The following PTPRD variants were observed in gnomAD, a reference collection of about 807,000 sequenced individuals.
PTPRD encodes the protein receptor-type tyrosine-protein phosphatase delta.
PTPRD carries 34 observed loss-of-function variants against 214.5 expected under a neutral mutation model. The observed-to-expected ratio is 0.16, with a 90% CI of 0.12 to 0.21. PTPRD has a LOEUF of 0.21. Ranked by LOEUF, PTPRD falls within the 10% of genes least tolerant of loss-of-function variation. PTPRD has a pLI of 1.00. For synonymous variants in PTPRD, 1,128 were observed against 845.7 expected (o/e 1.33, Z -5.79); for missense variants, 2,545 against 2,398.7 (o/e 1.06, Z -1.27).
intron 9 of PTPRD, among the ~76,000 whole-genome samples, chr9:9,385,779 CT>C (rs1347492646): frequency 6.6e-6 from 1 of 152,076 alleles, no homozygotes; most frequent in Non-Finnish European, 1.5e-5. Flanking sequence ...GTGAATGTCA[CT>C]TTTAAATTCC....
intron 2 of PTPRD, among the ~76,000 whole-genome samples, chr9:10,464,738 T>A (rs2098982298): frequency 6.6e-6 from 1 of 152,030 alleles, no homozygotes. Context: ...AAACTCATCG[T>A]CTCATGTAAC....
At chr9:9,572,128 T>A (rs1033038315) in intron 8 of PTPRD, among the ~76,000 whole-genome samples, 1 of 151,378 alleles carries the variant, frequency 6.6e-6, no homozygotes, top group African/African-American at 2.4e-5. Context: ...CAGAGAGTAA[T>A]GAGAAAATCC....
chr9:9,245,072 C>T (rs1009670155), intron 9 of PTPRD, among the ~76,000 whole-genome samples: 1 of 152,132 alleles, frequency 6.6e-6, no homozygotes, highest in Non-Finnish European at 1.5e-5. Context: ...AAATGCAAAT[C>T]AAAACCACAA....
chr9:9,396,969 C>A (rs942771425), intron 9 of PTPRD, among the ~76,000 whole-genome samples: 1 of 152,012 alleles, frequency 6.6e-6, no homozygotes, highest in Non-Finnish European at 1.5e-5. Context: ...ATCCACTCAT[C>A]TTAGTTTCCA....
At chr9:10,514,643 G>T (rs1016295445) in intron 2 of PTPRD, among the ~76,000 whole-genome samples, 4 of 151,698 alleles carry the variant, frequency 2.6e-5, no homozygotes, top group Non-Finnish European at 5.9e-5. Context: ...AGTTAACCAA[G>T]TGACTTTTTT....
chr9:9,369,876 C>G (rs1403691903), intron 9 of PTPRD, among the ~76,000 whole-genome samples: 3 of 152,054 alleles, frequency 2.0e-5, no homozygotes, highest in Admixed American at 6.6e-5. Flanking sequence ...GAATCCTTTC[C>G]CCATTGCTTG....
At chr9:9,744,482 C>T (rs2098438494) in intron 6 of PTPRD, among the ~76,000 whole-genome samples, 1 of 152,026 alleles carries the variant, frequency 6.6e-6, no homozygotes, top group Non-Finnish European at 1.5e-5. Flanking sequence ...CAGAACTTAC[C>T]TCAATTTAGT....
intron 3 of PTPRD, among the ~76,000 whole-genome samples, chr9:10,327,339 C>A (rs576883637): frequency 2.0e-5 from 3 of 151,466 alleles, no homozygotes; most frequent in South Asian, 4.1e-4. Flanking sequence ...ACGACCAGAT[C>A]ATTTATCATT....
intron 3 of PTPRD, among the ~76,000 whole-genome samples, chr9:10,104,667 C>T (rs183047308): frequency 2.3e-4 from 35 of 151,788 alleles, no homozygotes; most frequent in African/African-American, 2.4e-4. Context: ...TATATTAAAA[C>T]GCCAGTACTT....
chr9:9,806,268 C>T (rs1049952833), intron 5 of PTPRD, among the ~76,000 whole-genome samples: 1 of 150,110 alleles, frequency 6.7e-6, no homozygotes, highest in East Asian at 1.9e-4. Context: ...TGGTTGTAGA[C>T]AGTGCCAAAA....
At chr9:9,283,921 C>G (rs1444568571) in intron 9 of PTPRD, among the ~76,000 whole-genome samples, 1 of 151,612 alleles carries the variant, frequency 6.6e-6, no homozygotes, top group Non-Finnish European at 1.5e-5. Flanking sequence ...ATTTCGTTCA[C>G]TATATTCAAT....
intron 4 of PTPRD, among the ~76,000 whole-genome samples, chr9:9,974,449 C>T (rs1195583923): frequency 6.6e-6 from 1 of 152,118 alleles, no homozygotes; most frequent in African/African-American, 2.4e-5. Flanking sequence ...TCCCCCTTTC[C>T]ACAACAGTTC....
chr9:10,425,514 A>C (rs901021920), intron 2 of PTPRD, among the ~76,000 whole-genome samples: 1 of 151,976 alleles, frequency 6.6e-6, no homozygotes, highest in Admixed American at 6.6e-5. Context: ...GTATGTCCTT[A>C]TAGCATAGGC....
At chr9:8,807,963 C>G (rs1242440163) in intron 11 of PTPRD, among the ~76,000 whole-genome samples, 1 of 152,096 alleles carries the variant, frequency 6.6e-6, no homozygotes, top group Non-Finnish European at 1.5e-5. Context: ...ATGTTAAGTT[C>G]TACATAAATT....
intron 3 of PTPRD, among the ~76,000 whole-genome samples, chr9:10,090,962 G>GCACA (rs1567625148): frequency 2.2e-4 from 20 of 92,474 alleles, no homozygotes; most frequent in South Asian, 1.8e-3. Context: ...ACACACACAT[G>GCACA]CATGTGGTAG....
intron 8 of PTPRD, among the ~76,000 whole-genome samples, chr9:9,452,303 C>G (rs577362323): frequency 3.3e-5 from 5 of 151,510 alleles, no homozygotes; most frequent in Admixed American, 2.0e-4. Flanking sequence ...GAATTCTATA[C>G]TCATTAAAAA....
intron 3 of PTPRD, among the ~76,000 whole-genome samples, chr9:10,147,996 C>T (rs2099035528): frequency 6.6e-6 from 1 of 152,110 alleles, no homozygotes; most frequent in African/African-American, 2.4e-5. Context: ...GGGCTTTGAT[C>T]CACGTTTTGT....
chr9:10,046,825 C>T (rs291262), intron 3 of PTPRD, among the ~76,000 whole-genome samples: 8,745 of 151,916 alleles, frequency 0.058, 882 homozygotes, highest in African/African-American at 0.2. Context: ...AAATGCCTTC[C>T]TTGTTTAAAA....
At chr9:9,162,801 T>A (rs1376333688) in intron 10 of PTPRD, among the ~76,000 whole-genome samples, 37 of 152,156 alleles carry the variant, frequency 2.4e-4, no homozygotes, top group Admixed American at 2.4e-3. Context: ...TCTGTCCCAG[T>A]TCTTCAACTC....
Sources: gnomAD v4.1 joint callset for allele counts (sites outside exome capture counted in the v4.1 genomes callset) on GRCh38, gnomAD v4.1.1 for gene constraint, MANE v1.5 for transcripts, NCBI Gene and HGNC (gene_info 2026-07-23, HGNC 2026-07-21) for gene names.